HYCC2: variants seen among roughly 807,000 people sequenced by gnomAD.
HYCC2 encodes hyccin PI4KA lipid kinase complex subunit 2, also known as hyccin 2.
chr2:200,981,457 A>G, the HYCC2 span: 25 of 1,614,052 alleles, frequency 1.5e-5, no homozygotes, highest in Non-Finnish European at 2.0e-5. This position sits in a 1 kb window ranked among gnomAD's most constrained non-coding sequence, Gnocchi z 4.5. Flanking sequence ...GCCAACCCCA[A>G]TGCTGGTACT....
At chr2:201,020,599 T>G in the HYCC2 span, among the ~76,000 whole-genome samples, 1 of 151,900 alleles carries the variant, frequency 6.6e-6, no homozygotes, top group Non-Finnish European at 1.5e-5. Context: ...AGAGAAGGAA[T>G]AATTGCAGGA....
At chr2:200,981,570 C>G in the HYCC2 span, 1 of 1,614,194 alleles carries the variant, frequency 6.2e-7, no homozygotes, top group South Asian at 1.1e-5. The surrounding 1 kb of genome is among the most constrained non-coding windows in gnomAD (Gnocchi z 4.5). Context: ...GGCCAGCAGG[C>G]AGGCTCAGGT....
the HYCC2 span, among the ~76,000 whole-genome samples, chr2:201,001,684 T>A: frequency 6.6e-6 from 1 of 152,158 alleles, no homozygotes; most frequent in African/African-American, 2.4e-5. Flanking sequence ...ATTTTTATTT[T>A]TTTTTTTGAG....
the HYCC2 span, chr2:201,024,073 A>C: frequency 1.7e-6 from 2 of 1,196,812 alleles, no homozygotes; most frequent in Non-Finnish European, 2.5e-6. Flanking sequence ...TGAGGACAGT[A>C]GTACTTATAG....
At chr2:201,043,160 G>A in the HYCC2 span, among the ~76,000 whole-genome samples, 5 of 152,150 alleles carry the variant, frequency 3.3e-5, no homozygotes, top group Non-Finnish European at 7.4e-5. Flanking sequence ...AACATGAGCT[G>A]TGTCCACTAA....
chr2:200,981,642 C>A, the HYCC2 span: 1 of 1,614,024 alleles, frequency 6.2e-7, no homozygotes, highest in African/African-American at 1.3e-5. The surrounding 1 kb of genome is among the most constrained non-coding windows in gnomAD (Gnocchi z 4.5). Context: ...GCTGTACATA[C>A]TGCTTGCGAA....
chr2:201,062,044 G>T, the HYCC2 span, among the ~76,000 whole-genome samples: 13 of 152,244 alleles, frequency 8.5e-5, no homozygotes, highest in African/African-American at 3.1e-4. Flanking sequence ...GGTCGAGGCT[G>T]CAGTGAACCA....
chr2:200,987,386 A>T, the HYCC2 span: 1 of 1,289,566 alleles, frequency 7.8e-7, no homozygotes, highest in Non-Finnish European at 1.0e-6. Context: ...GCTGTTGCTG[A>T]GTTGGGCTCC....
the HYCC2 span, chr2:200,976,194 A>G: frequency 6.6e-6 from 1 of 152,192 alleles, no homozygotes; most frequent in Non-Finnish European, 1.5e-5. Context: ...ACTTGAAAGA[A>G]AAAGTCTCAT....
At chr2:200,983,410 T>C in the HYCC2 span, among the ~76,000 whole-genome samples, 1 of 152,122 alleles carries the variant, frequency 6.6e-6, no homozygotes, top group African/African-American at 2.4e-5. Context: ...CCTGGAAAAA[T>C]AAACTATTTA....
chr2:201,037,876 G>T, the HYCC2 span, among the ~76,000 whole-genome samples: 1 of 152,096 alleles, frequency 6.6e-6, no homozygotes, highest in African/African-American at 2.4e-5. Context: ...GGCAACAAAA[G>T]CCAAAATTGA....
chr2:201,040,186 A>G, the HYCC2 span, among the ~76,000 whole-genome samples: 3 of 151,744 alleles, frequency 2.0e-5, no homozygotes, highest in East Asian at 5.8e-4. Flanking sequence ...AAAAAAAAAA[A>G]GTGAGGAAAT....
At chr2:200,983,057 C>T in the HYCC2 span, among the ~76,000 whole-genome samples, 1 of 152,130 alleles carries the variant, frequency 6.6e-6, no homozygotes, top group Non-Finnish European at 1.5e-5. Context: ...CGCGCCCGGC[C>T]AACAACAGAA....
the HYCC2 span, chr2:201,022,962 G>A: frequency 3.0e-5 from 43 of 1,446,912 alleles, no homozygotes; most frequent in Non-Finnish European, 4.1e-5. Flanking sequence ...GAAAACAAAA[G>A]TGAACATTTG....
chr2:201,012,305 A>G, the HYCC2 span, among the ~76,000 whole-genome samples: 1 of 152,082 alleles, frequency 6.6e-6, no homozygotes, highest in African/African-American at 2.4e-5. Flanking sequence ...ACAAAAAAAT[A>G]CAAAAATTAG....
chr2:200,975,123 A>G, the HYCC2 span: 1 of 152,024 alleles, frequency 6.6e-6, no homozygotes, highest in African/African-American at 2.4e-5. Flanking sequence ...TTTAACGGGT[A>G]CTTTTGCTGG....
At chr2:201,033,918 T>A in the HYCC2 span, among the ~76,000 whole-genome samples, 15 of 151,988 alleles carry the variant, frequency 9.9e-5, no homozygotes, top group South Asian at 3.1e-3. Flanking sequence ...TGATATAGGG[T>A]CCAGAATATT....
the HYCC2 span, among the ~76,000 whole-genome samples, chr2:201,028,006 A>C: frequency 6.6e-6 from 1 of 152,230 alleles, no homozygotes; most frequent in Non-Finnish European, 1.5e-5. Context: ...TTCAATTAGG[A>C]AAAGAAGAAG....
At chr2:201,071,087 G>C in the HYCC2 span, among the ~76,000 whole-genome samples, 5 of 152,186 alleles carry the variant, frequency 3.3e-5, no homozygotes, top group African/African-American at 9.7e-5. Context: ...GGACAACCTA[G>C]TTGTTTGGGT....
Sources: allele counts gnomAD v4.1 joint callset (sites outside exome capture counted in the v4.1 genomes callset), GRCh38; gene constraint gnomAD v4.1.1; non-coding constraint Gnocchi (gnomAD v3.1); transcripts MANE v1.5; gene names NCBI Gene and HGNC (gene_info 2026-07-23, HGNC 2026-07-21).